Variants in PNPLA1 observed in about 807,000 individuals in gnomAD.
The protein encoded by PNPLA1 is omega-hydroxyceramide transacylase.
A neutral mutation model predicts 51.7 loss-of-function variants in PNPLA1; 36 were observed. That is an observed-to-expected ratio of 0.70 (90% CI 0.53 to 0.92). The LOEUF (loss-of-function observed/expected upper bound fraction) is 0.92. PNPLA1 is among the 40% of genes least tolerant of loss of function. The probability of loss-of-function intolerance (pLI) is 0.00; values close to 1 mark genes in which losing one functional copy is unlikely to be tolerated. For missense variants in PNPLA1, 658 were observed against 682.5 expected, an observed-to-expected ratio of 0.96 and a Z score of 0.40; for synonymous variants, 293 against 280.1, an observed-to-expected ratio of 1.05 and a Z score of -0.46.
At chr6:36,244,059 G>A (rs941350371) in intron 1 of PNPLA1, among the ~76,000 whole-genome samples, 1 of 152,124 alleles carries the variant, frequency 6.6e-6, no homozygotes, top group Non-Finnish European at 1.5e-5. Flanking sequence ...CAGTGGAGCT[G>A]GAATTCACAA....
At chr6:36,304,022 A>G (rs1200380020) in intron 6 of PNPLA1, among the ~76,000 whole-genome samples, 1 of 152,156 alleles carries the variant, frequency 6.6e-6, no homozygotes, top group East Asian at 1.9e-4. Flanking sequence ...GTTGGAGTAG[A>G]AAGAGCATTT....
Position 36,291,340 on chromosome 6 carries a change from A to G in PNPLA1, c.226A>G (p.Asn76Asp), listed in dbSNP as rs1270579694. Reference sequence around the variant, plus strand: ...TGCAGATGAGTATCTCAGAGTCCTCAACGTGGGTGTGGCCGAGGTGAAGAA... The same window carrying G: ...TGCAGATGAGTATCTCAGAGTCCTCGACGTGGGTGTGGCCGAGGTGAAGAA... ...IEMDEYLRVLNVGVAEVKKSF... is the reference protein window; with the variant it reads ...IEMDEYLRVLDVGVAEVKKSF... Residue 76 changes from asparagine to aspartate, a missense_variant, in exon 2 of 9, where the codon AAC becomes GAC. By Grantham distance (23) the Asn-to-Asp change is conservative. Coordinates refer to ENST00000636260, the MANE Select transcript of PNPLA1 (RefSeq NM_001374623.1). 2 of 1,613,980 alleles carry G rather than the reference A, an allele frequency of 1.2e-6. No homozygotes were observed. Among genetic ancestry groups the G allele is most frequent in the African/African-American group, 2.7e-5 (2 of 74,898 alleles).
chr6:36,312,120 A>C lies in PNPLA1; in HGVS notation c.*234A>C. ...TGATTTTGTTAGAGCAAGACACTTG[A>C]CTGACAACTGCTAGAAAACTACAAA... On this transcript the variant is annotated 3_prime_UTR_variant, in exon 9 of 9. Transcript: ENST00000636260. 1 of 152,348 alleles carries C rather than the reference A, an allele frequency of 6.6e-6. No individual in the cohort carries two copies. The allele number at this position is 152,348 out of a possible 1,614,324, so 9.4% of individuals were successfully genotyped here. A position where few individuals can be genotyped will look rare whatever the true frequency, so the allele number is the denominator to read the frequency against.
intron 8 of PNPLA1, chr6:36,308,359 A>G (rs576848930): frequency 6.6e-6 from 1 of 152,366 alleles, no homozygotes; most frequent in East Asian, 1.9e-4. Flanking sequence ...CCCGGGCAAC[A>G]AGAGCGAAAC....
rs771349703 is a variant in PNPLA1, at chr6:36,294,157, C to T, written c.505-33C>T. The T allele has an allele frequency of 1.2e-6, 2 of 1,611,136 alleles. No individual in the cohort carries two copies. Among genetic ancestry groups the T allele is most frequent in the East Asian group, 2.2e-5 (1 of 44,844 alleles). ...CCCGAGTGGGGCTGAGAACTCTGGC[C>T]CCAAGTGGGCATTTCTCACTCTGCC... On this transcript the variant is annotated intron_variant, in intron 3 of 8. Coordinates refer to ENST00000636260, the MANE Select transcript of PNPLA1 (RefSeq NM_001374623.1). This position sits in a 1 kb window ranked among gnomAD's most constrained non-coding sequence, Gnocchi z 4.2.
intron 5 of PNPLA1, among the ~76,000 whole-genome samples, chr6:36,301,114 G>GCCCCCC (rs71540149): frequency 3.0e-5 from 3 of 99,920 alleles, no homozygotes; most frequent in African/African-American, 4.4e-5. Context: ...CCATCCCCCC[G>GCCCCCC]CCCCCCCACC....
chr6:36,291,217 T>C (rs1770665282), intron 1 of PNPLA1, 103 bp from the exon 2 acceptor site: 2 of 793,260 alleles, frequency 2.5e-6, no homozygotes, highest in East Asian at 5.5e-5. Flanking sequence ...GGTTTCCCCA[T>C]TTGTTGGATT....
intron 5 of PNPLA1, among the ~76,000 whole-genome samples, chr6:36,295,957 G>A (rs543119492): frequency 4.0e-4 from 61 of 152,350 alleles, no homozygotes; most frequent in Middle Eastern, 3.4e-3. Flanking sequence ...CAGGGTGGAA[G>A]AAACAATTCC....
chr6:36,307,873 C>A (rs1771291653), intron 8 of PNPLA1, 161 bp downstream of exon 8: 1 of 856,448 alleles, frequency 1.2e-6, no homozygotes, highest in Non-Finnish European at 1.7e-6. Flanking sequence ...TCCTGCTCTG[C>A]CACAGCTCCA....
chr6:36,245,029 G>T (rs1165211999), intron 1 of PNPLA1, among the ~76,000 whole-genome samples: 1 of 152,242 alleles, frequency 6.6e-6, no homozygotes, highest in Admixed American at 6.5e-5. Flanking sequence ...TGACCTAAAA[G>T]GGTGGGACAT....
chr6:36,285,861 C>T (rs941652281), intron 1 of PNPLA1, among the ~76,000 whole-genome samples: 1 of 152,142 alleles, frequency 6.6e-6, no homozygotes, highest in Non-Finnish European at 1.5e-5. Flanking sequence ...CTGTAGGGTC[C>T]CCCAACTTGA....
intron 1 of PNPLA1, among the ~76,000 whole-genome samples, chr6:36,253,547 C>CT (rs1769467743): frequency 6.6e-6 from 1 of 152,142 alleles, no homozygotes; most frequent in African/African-American, 2.4e-5. Flanking sequence ...GTGATCATAG[C>CT]TTACTGTAGC....
intron 1 of PNPLA1, among the ~76,000 whole-genome samples, chr6:36,263,628 G>A (rs562058540): frequency 6.6e-5 from 10 of 152,198 alleles, no homozygotes; most frequent in African/African-American, 2.4e-4. Context: ...CAGAGTTGCA[G>A]AAATGCCCAT....
At chr6:36,279,373 G>A (rs77036729) in intron 1 of PNPLA1, among the ~76,000 whole-genome samples, 5,781 of 152,330 alleles carry the variant, frequency 0.038, 159 homozygotes, top group Middle Eastern at 0.068. Context: ...TTCTCCTGGG[G>A]CCCTGGAGCT....
At chr6:36,281,978 G>A (rs977152932) in intron 1 of PNPLA1, among the ~76,000 whole-genome samples, 4 of 150,092 alleles carry the variant, frequency 2.7e-5, no homozygotes, top group African/African-American at 4.9e-5. Context: ...AGCCGAGATC[G>A]CACCATTGCC....
intron 1 of PNPLA1, among the ~76,000 whole-genome samples, chr6:36,243,911 G>C (rs987478071): frequency 6.6e-6 from 1 of 152,232 alleles, no homozygotes; most frequent in African/African-American, 2.4e-5. Context: ...TTCTAGCTAA[G>C]AGCTTTAAAC....
intron 1 of PNPLA1, among the ~76,000 whole-genome samples, chr6:36,279,146 C>T (rs1475651378): frequency 6.6e-6 from 1 of 152,182 alleles, no homozygotes; most frequent in African/African-American, 2.4e-5. Flanking sequence ...GATGGCTTGT[C>T]CCTCTGGACG....
intron 1 of PNPLA1, among the ~76,000 whole-genome samples, chr6:36,287,282 C>A (rs1428614610): frequency 2.0e-5 from 3 of 152,142 alleles, no homozygotes; most frequent in African/African-American, 4.8e-5. Context: ...TTCTGAGGAG[C>A]TTCCTATGGG....
intron 1 of PNPLA1, among the ~76,000 whole-genome samples, chr6:36,255,927 T>A (rs1226974866): frequency 6.6e-6 from 1 of 152,234 alleles, no homozygotes; most frequent in African/African-American, 2.4e-5. Context: ...AGGTCTGGGC[T>A]TGGGCTGAGA....
Sources: gnomAD v4.1 joint callset for allele counts (sites outside exome capture counted in the v4.1 genomes callset) on GRCh38, gnomAD v4.1.1 for gene constraint, Gnocchi (gnomAD v3.1) non-coding constraint, MANE v1.5 for transcripts, NCBI Gene and HGNC (gene_info 2026-07-23, HGNC 2026-07-21) for gene names.